The following TMEM117 variants were observed in gnomAD, a reference collection of about 807,000 sequenced individuals.
The protein encoded by TMEM117 is transmembrane protein 117.
Under a neutral mutation model 52.4 loss-of-function variants are expected in TMEM117, and 27 were observed. The ratio of observed to expected loss-of-function variants is 0.51; its 90% CI spans 0.38 to 0.71. TMEM117 has a LOEUF of 0.71. TMEM117 is among the 30% of genes least tolerant of loss of function. The pLI, the probability that TMEM117 is intolerant of heterozygous loss-of-function variation, is 0.00. For missense variants in TMEM117, 556 were observed against 630.5 expected, an observed-to-expected ratio of 0.88 and a Z score of 1.26; for synonymous variants, 215 against 206.3, an observed-to-expected ratio of 1.04 and a Z score of -0.36.
intron 3 of TMEM117, among the ~76,000 whole-genome samples, chr12:44,105,289 G>C (rs919938484): frequency 2.0e-5 from 3 of 151,610 alleles, no homozygotes; most frequent in Non-Finnish European, 2.9e-5. Flanking sequence ...CTTCATTTCT[G>C]TTACACTGGT....
At chr12:43,873,546 T>G (rs948037706) in intron 2 of TMEM117, among the ~76,000 whole-genome samples, 1 of 152,092 alleles carries the variant, frequency 6.6e-6, no homozygotes, top group Non-Finnish European at 1.5e-5. Context: ...GTCCTGGATA[T>G]TAATAAAAAT....
intron 3 of TMEM117, among the ~76,000 whole-genome samples, chr12:44,133,791 C>G (rs1264831541): frequency 6.6e-6 from 1 of 152,072 alleles, no homozygotes; most frequent in African/African-American, 2.4e-5. Flanking sequence ...GGGGAAAGTG[C>G]TTCATAATCC....
intron 2 of TMEM117, among the ~76,000 whole-genome samples, chr12:43,930,470 G>A (rs1324731425): frequency 1.3e-5 from 2 of 152,106 alleles, no homozygotes. Context: ...TTTTCCATAT[G>A]GTCCCTATGA....
chr12:43,891,141 A>G (rs1592337847), intron 2 of TMEM117, among the ~76,000 whole-genome samples: 1 of 152,010 alleles, frequency 6.6e-6, no homozygotes, highest in Admixed American at 6.5e-5. Flanking sequence ...ACATTTCAGG[A>G]TTTATCTACT....
At position 44,191,357 on chromosome 12, in the gene TMEM117, A is replaced by G. The variant is rs151163892; in HGVS notation, c.511-19933A>G. ...ACAGCCAAACCATGTCTATCTATCT[A>G]TCTGTCTGTCTGTCTGTCTGTCTGT... On this transcript the variant is annotated intron_variant, in intron 4 of 7. Coordinates refer to ENST00000266534, the MANE Select transcript of TMEM117 (RefSeq NM_032256.3). Among the ~76,000 whole-genome samples, 94 of 148,546 alleles carry G rather than the reference A, an allele frequency of 6.3e-4. 1 individual carries two copies. Among genetic ancestry groups the G allele is most frequent in the East Asian group, 2.4e-3 (12 of 5,024 alleles).
chr12:43,996,389 A>G (rs1946030282), intron 3 of TMEM117, among the ~76,000 whole-genome samples: 1 of 152,142 alleles, frequency 6.6e-6, no homozygotes, highest in Non-Finnish European at 1.5e-5. Context: ...CACACCTGTA[A>G]TCCCAGCCCT....
intron 5 of TMEM117, among the ~76,000 whole-genome samples, chr12:44,277,124 G>A (rs1372265575): frequency 1.3e-5 from 2 of 152,096 alleles, no homozygotes; most frequent in African/African-American, 4.8e-5. Flanking sequence ...TTGAAGACAA[G>A]TAGCTGGACA....
chr12:44,010,397 A>G (rs1946270772), intron 3 of TMEM117, among the ~76,000 whole-genome samples: 1 of 152,126 alleles, frequency 6.6e-6, no homozygotes. Context: ...GTGTCAGGAA[A>G]GCGCACTATG....
rs184816146 is a variant in TMEM117 at position 44,083,341 on chromosome 12, A to G, written c.411-60184A>G. ...GCCAGTTTACACTATTCCTGGCAATATTACCCTTGATCCATATCCTCACTT... is the reference window on the plus strand; with the variant it reads ...GCCAGTTTACACTATTCCTGGCAATGTTACCCTTGATCCATATCCTCACTT... On this transcript the variant is annotated intron_variant, in intron 3 of 7. Coordinates refer to ENST00000266534, the MANE Select transcript of TMEM117 (RefSeq NM_032256.3). Among the ~76,000 whole-genome samples, 203 of 142,446 alleles carry G rather than the reference A, an allele frequency of 1.4e-3. 1 individual carries two copies. The highest frequency in any genetic ancestry group is 1.5e-3 in the Non-Finnish European group (97 of 65,982). The allele number at this position is 142,446 out of a possible 152,430, so 93.5% of individuals were successfully genotyped here. A position where few individuals can be genotyped will look rare whatever the true frequency, so the allele number is the denominator to read the frequency against.
chr12:44,395,705 G>C, the TMEM117 span, among the ~76,000 whole-genome samples: 1 of 152,132 alleles, frequency 6.6e-6, no homozygotes, highest in Non-Finnish European at 1.5e-5. Context: ...GACTTTCTAG[G>C]GTCTTACAGT....
At chr12:44,351,562 A>T in intron 6 of TMEM117, among the ~76,000 whole-genome samples, 1 of 151,906 alleles carries the variant, frequency 6.6e-6, no homozygotes, top group East Asian at 1.9e-4. Context: ...TTCTAGTTTC[A>T]TTCTTCTGCA....
intron 6 of TMEM117, among the ~76,000 whole-genome samples, chr12:44,352,279 T>C (rs1366138400): frequency 6.6e-6 from 1 of 151,958 alleles, no homozygotes; most frequent in Non-Finnish European, 1.5e-5. Flanking sequence ...TTTTGTTTTG[T>C]TTTGTTTTTT....
At chr12:44,263,519 T>G (rs1950344253) in intron 5 of TMEM117, 1 of 152,228 alleles carries the variant, frequency 6.6e-6, no homozygotes, top group Non-Finnish European at 1.5e-5. Flanking sequence ...TATAAATCAT[T>G]CTACCATAAA....
At chr12:43,867,398 A>T (rs1483798579) in intron 2 of TMEM117, among the ~76,000 whole-genome samples, 1 of 152,258 alleles carries the variant, frequency 6.6e-6, no homozygotes, top group Non-Finnish European at 1.5e-5. Context: ...TATTATGCCA[A>T]AAGAAGGCAG....
At chr12:43,926,249 C>G (rs999657817) in intron 2 of TMEM117, among the ~76,000 whole-genome samples, 1 of 152,158 alleles carries the variant, frequency 6.6e-6, no homozygotes, top group Non-Finnish European at 1.5e-5. Context: ...AAAACATTGG[C>G]TGGCATATCC....
At chr12:43,851,608 A>T (rs1320980101) in intron 2 of TMEM117, among the ~76,000 whole-genome samples, 1 of 152,242 alleles carries the variant, frequency 6.6e-6, no homozygotes, top group Non-Finnish European at 1.5e-5. Context: ...TCTTGAGCTT[A>T]TTCAAGAAAT....
At chr12:44,376,372 A>G in intron 6 of TMEM117, 1 of 604,060 alleles carries the variant, frequency 1.7e-6, no homozygotes, top group Non-Finnish European at 2.9e-6. Flanking sequence ...ACCACATTAA[A>G]AAGAAAATCT....
intron 3 of TMEM117, among the ~76,000 whole-genome samples, chr12:44,100,005 G>T (rs189303713): frequency 6.6e-6 from 1 of 152,024 alleles, no homozygotes; most frequent in East Asian, 1.9e-4. Flanking sequence ...GCCTTTGGGG[G>T]TGTTTCAAAT....
intron 2 of TMEM117, among the ~76,000 whole-genome samples, chr12:43,919,254 GTTGT>G (rs1216760995): frequency 2.0e-5 from 3 of 152,196 alleles, no homozygotes; most frequent in Non-Finnish European, 4.4e-5. Flanking sequence ...CTGATTCATA[GTTGT>G]TTAACTGGAA....
Sources: allele counts gnomAD v4.1 joint callset (sites outside exome capture counted in the v4.1 genomes callset), GRCh38; gene constraint gnomAD v4.1.1; transcripts MANE v1.5; gene names NCBI Gene and HGNC (gene_info 2026-07-23, HGNC 2026-07-21).